ITPRIPL2: variants seen among roughly 807,000 people sequenced by gnomAD.
The protein encoded by ITPRIPL2 is inositol 1,4,5-trisphosphate receptor-interacting protein-like 2.
ITPRIPL2 carries 29 observed loss-of-function variants against 31.7 expected under a neutral mutation model. The observed-to-expected ratio is 0.91, with a 90% CI of 0.68 to 1.25. The LOEUF is 1.25. Among genes scored for constraint, ITPRIPL2 ranks in the 50% most tolerant of loss-of-function variants. ITPRIPL2 has a pLI of 0.00. For synonymous variants in ITPRIPL2, 344 were observed against 343.4 expected (o/e 1.00, Z -0.02); for missense variants, 696 against 739.1 (o/e 0.94, Z 0.68).
chr16:19,116,081 A>AC lies in ITPRIPL2; in HGVS notation c.*17dup. ...AAGGTGAACCGTAAACCCTGACAGC[A>AC]CCCCCACCTGACCAAATGCTCCTAA... On this transcript the variant is annotated 3_prime_UTR_variant, in exon 1 of 1. Transcript: ENST00000381440. 1.3e-6 allele frequency: 2 copies of AC among 1,554,030 alleles called. No individual in the cohort carries two copies. Among genetic ancestry groups the AC allele is most frequent in the Non-Finnish European group, 8.7e-7 (1 of 1,147,336 alleles).
In ITPRIPL2 at chr16:19,117,354, C is replaced by G. The variant is rs918595304; in HGVS notation, c.*1285C>G. 3 of 167,036 alleles carry G rather than the reference C, an allele frequency of 1.8e-5. No individual in the cohort carries two copies. The highest frequency in any genetic ancestry group is 7.2e-5 in the African/African-American group (3 of 41,434). The allele number at this position is 167,036 out of a possible 1,614,324, so 10.3% of individuals were successfully genotyped here. Reference sequence around the variant, plus strand: ...GCTTGAAGATCAGTTACTCCCTGGTCGTGGGCAGAGGAGACAAATTAGGAA... The same window carrying G: ...GCTTGAAGATCAGTTACTCCCTGGTGGTGGGCAGAGGAGACAAATTAGGAA... On this transcript the variant is annotated 3_prime_UTR_variant, in exon 1 of 1. Coordinates refer to ENST00000381440, the MANE Select transcript of ITPRIPL2 (RefSeq NM_001034841.4).
At position 19,115,077 on chromosome 16, in the gene ITPRIPL2, T is replaced by G. The variant is rs547667965; in HGVS notation, c.616T>G (p.Cys206Gly). 7.9e-5 allele frequency: 126 copies of G among 1,599,422 alleles called. 2 individuals carry two copies. The South Asian group carries it at 1.3e-3, about 17-fold the overall frequency. ...EPALAPAFRGCFLCALKAPPS... is the reference protein window; with the variant it reads ...EPALAPAFRGGFLCALKAPPS... ...AGCGCTGGCCCCGGCCTTCCGCGGCTGCTTCTTGTGCGCCCTCAAGGCACC... is the reference window on the plus strand; with the variant it reads ...AGCGCTGGCCCCGGCCTTCCGCGGCGGCTTCTTGTGCGCCCTCAAGGCACC... Residue 206 changes from cysteine to glycine, a missense_variant, in exon 1 of 1, where the codon TGC (cysteine) becomes GGC (glycine). By Grantham distance (159) the Cys-to-Gly change is radical (BLOSUM62 -3). Coordinates refer to ENST00000381440, the MANE Select transcript of ITPRIPL2 (RefSeq NM_001034841.4).
In ITPRIPL2 at chr16:19,119,167, A is replaced by G. The variant is rs1596856143; in HGVS notation, c.*3098A>G. 1.7e-5 allele frequency: 7 copies of G among 412,636 alleles called. No homozygotes were observed. In the East Asian group the frequency reaches 2.5e-4, roughly 15 times the overall value. The allele number at this position is 412,636 out of a possible 1,614,324, so 25.6% of individuals were successfully genotyped here. A position where few individuals can be genotyped will look rare whatever the true frequency, so the allele number is the denominator to read the frequency against. On this transcript the variant is annotated 3_prime_UTR_variant, in exon 1 of 1. Coordinates refer to ENST00000381440, the MANE Select transcript of ITPRIPL2 (RefSeq NM_001034841.4). ...GGGCTGAGCGGAGATGTTTTTTGCA[A>G]AATGAAACTGAAGCTGAAAGAAAGG... is the stretch of plus-strand genomic sequence containing the variant.
In ITPRIPL2 at chr16:19,115,114, C is replaced by T; in HGVS notation, c.653C>T (p.Ser218Leu). 3 of 1,601,430 alleles carry T rather than the reference C, an allele frequency of 1.9e-6. No homozygotes were observed. Among genetic ancestry groups the T allele is most frequent in the Non-Finnish European group, 1.7e-6 (2 of 1,179,894 alleles). ...LCALKAPPSPSGASGGHWLRD... is the reference protein window; with the variant it reads ...LCALKAPPSPLGASGGHWLRD... ...GCCCTCAAGGCACCACCCTCACCATCGGGGGCCTCGGGGGGCCACTGGCTT... is the reference window on the plus strand; with the variant it reads ...GCCCTCAAGGCACCACCCTCACCATTGGGGGCCTCGGGGGGCCACTGGCTT... The change falls in exon 1 of 1, where the codon TCG becomes TTG. Residue 218 changes from serine to leucine, a missense_variant. Physicochemically the swap from Ser to Leu is moderately radical, Grantham distance 145. Transcript: ENST00000381440.
chr16:19,114,838 T>C lies in ITPRIPL2; in HGVS notation c.377T>C (p.Ile126Thr). The C allele has an allele frequency of 6.2e-7, 1 of 1,605,068 alleles. No individual in the cohort carries two copies. Among genetic ancestry groups the C allele is most frequent in the Non-Finnish European group, 8.5e-7 (1 of 1,176,382 alleles). ...CACAGCAAGGCGCACGTGAGCCGGA[T>C]CGTGGGCGAGCTGGTGCGGGCTGGC... ...LGHSKAHVSRIVGELVRAGRA... is the reference protein window; with the variant it reads ...LGHSKAHVSRTVGELVRAGRA... The change falls in exon 1 of 1, where the codon ATC becomes ACC. Residue 126 changes from isoleucine to threonine, a missense_variant. Ile to Thr is a moderately conservative substitution (Grantham distance 89). Coordinates refer to ENST00000381440, the MANE Select transcript of ITPRIPL2 (RefSeq NM_001034841.4).
chr16:19,120,858 A>T lies in ITPRIPL2; in HGVS notation c.*4789A>T, dbSNP rs1819023453. On this transcript the variant is annotated 3_prime_UTR_variant, in exon 1 of 1. Transcript: ENST00000381440. ...AACCTAAGTGCTTCCAGAGCATCTC[A>T]TGTAACCTCTATGGAGTAAGTCACT... is the stretch of plus-strand genomic sequence containing the variant. 2 of 166,860 alleles carry T rather than the reference A, an allele frequency of 1.2e-5. No individual in the cohort carries two copies. Among genetic ancestry groups the T allele is most frequent in the South Asian group, 4.1e-4 (2 of 4,824 alleles). 10.3% of individuals were successfully genotyped at this position (166,860 alleles called of 1,614,324 possible). A position where few individuals can be genotyped will look rare whatever the true frequency, so the allele number is the denominator to read the frequency against.
chr16:19,116,290 G>A lies in ITPRIPL2; in HGVS notation c.*221G>A. ...CTAGAGTGTCCTGGGCAAACCATGG[G>A]AAGACATCCAACAGGAGACCCAAGA... is the stretch of plus-strand genomic sequence containing the variant. On this transcript the variant is annotated 3_prime_UTR_variant, in exon 1 of 1. Transcript: ENST00000381440. The A allele has an allele frequency of 2.0e-6, 1 of 508,752 alleles. No individual in the cohort carries two copies. The highest frequency in any genetic ancestry group is 3.5e-6 in the Non-Finnish European group (1 of 282,572). 31.5% of individuals were successfully genotyped at this position (508,752 alleles called of 1,614,324 possible). A position where few individuals can be genotyped will look rare whatever the true frequency, so the allele number is the denominator to read the frequency against.
In ITPRIPL2 at chr16:19,119,952, A is replaced by G. The variant is rs1210608395; in HGVS notation, c.*3883A>G. ...AGAATAACTTGTTTCTTTGTATTTT[A>G]TTCTTACATTTAAATTAATTTTGGG... On this transcript the variant is annotated 3_prime_UTR_variant, in exon 1 of 1. Coordinates refer to ENST00000381440, the MANE Select transcript of ITPRIPL2 (RefSeq NM_001034841.4). 6.0e-6 allele frequency: 1 copy of G among 167,018 alleles called. No individual in the cohort carries two copies. The highest frequency in any genetic ancestry group is 1.5e-5 in the Non-Finnish European group (1 of 68,092). 10.3% of individuals were successfully genotyped at this position (167,018 alleles called of 1,614,324 possible). A position where few individuals can be genotyped will look rare whatever the true frequency, so the allele number is the denominator to read the frequency against.
chr16:19,120,957 A>G lies in ITPRIPL2; in HGVS notation c.*4888A>G, dbSNP rs1236688416. The G allele has an allele frequency of 6.0e-6, 1 of 166,774 alleles. No homozygotes were observed. The highest frequency in any genetic ancestry group is 2.1e-4 in the South Asian group (1 of 4,822). 10.3% of individuals were successfully genotyped at this position (166,774 alleles called of 1,614,324 possible). Reference sequence around the variant, plus strand: ...ATCCCTGTCTACATGGAGGAAGATGATTCAGTGGTGGGGAAAATGAACCTC... The same window carrying G: ...ATCCCTGTCTACATGGAGGAAGATGGTTCAGTGGTGGGGAAAATGAACCTC... On this transcript the variant is annotated 3_prime_UTR_variant, in exon 1 of 1. Coordinates refer to ENST00000381440, the MANE Select transcript of ITPRIPL2 (RefSeq NM_001034841.4).
At position 19,116,912 on chromosome 16, in the gene ITPRIPL2, C is replaced by G. The variant is rs534574489; in HGVS notation, c.*843C>G. ...CCACAAGCTGGGATATGTACCTGTC[C>G]GTCAACATCCATTCATTAAACTACC... On this transcript the variant is annotated 3_prime_UTR_variant, in exon 1 of 1. Transcript: ENST00000381440. 1 of 167,104 alleles carries G rather than the reference C, an allele frequency of 6.0e-6. No individual in the cohort carries two copies. The highest frequency in any genetic ancestry group is 1.5e-5 in the Non-Finnish European group (1 of 68,124). 10.4% of individuals were successfully genotyped at this position (167,104 alleles called of 1,614,324 possible). A position where few individuals can be genotyped will look rare whatever the true frequency, so the allele number is the denominator to read the frequency against.
In ITPRIPL2 at chr16:19,115,012, C is replaced by G. The variant is rs1048111990; in HGVS notation, c.551C>G (p.Pro184Arg). 6.3e-7 allele frequency: 1 copy of G among 1,598,756 alleles called. No individual in the cohort carries two copies. Among genetic ancestry groups the G allele is most frequent in the African/African-American group, 1.3e-5 (1 of 74,920 alleles). Residue 184 changes from proline to arginine, a missense_variant, in exon 1 of 1, where the codon CCG (proline) becomes CGG (arginine). Coordinates refer to ENST00000381440, the MANE Select transcript of ITPRIPL2 (RefSeq NM_001034841.4). Reference protein sequence around the residue: ...FDVLVPLRLPPLVALEPRSLG... With the variant: ...FDVLVPLRLPRLVALEPRSLG... Reference sequence around the variant, plus strand: ...GTGCTGGTGCCACTGCGCCTCCCGCCGCTTGTGGCGCTGGAGCCACGGAGC... The same window carrying G: ...GTGCTGGTGCCACTGCGCCTCCCGCGGCTTGTGGCGCTGGAGCCACGGAGC...
Position 19,115,888 on chromosome 16 carries a change from C to A in ITPRIPL2, c.1427C>A (p.Ala476Asp). ...CTGCCCAAGGCACTGAGGGAAGCCG[C>A]CCCAGTTGACCTCCTGGCCGCTTTC... Reference protein sequence around the residue: ...GPLPKALREAAPVDLLAAFDG... With the variant: ...GPLPKALREADPVDLLAAFDG... Residue 476 changes from alanine (A) to aspartate (D), a missense_variant, in exon 1 of 1, where the codon GCC becomes GAC. By Grantham distance (126) the Ala-to-Asp change is moderately radical. Coordinates refer to ENST00000381440, the MANE Select transcript of ITPRIPL2 (RefSeq NM_001034841.4). 6.2e-7 allele frequency: 1 copy of A among 1,611,804 alleles called. No individual in the cohort carries two copies. Among genetic ancestry groups the A allele is most frequent in the Non-Finnish European group, 8.5e-7 (1 of 1,179,592 alleles).
At position 19,116,094 on chromosome 16, in the gene ITPRIPL2, C is replaced by T; in HGVS notation, c.*25C>T. Reference sequence around the variant, plus strand: ...AACCCTGACAGCACCCCCACCTGACCAAATGCTCCTAAAGCCTTTCCCACT... The same window carrying T: ...AACCCTGACAGCACCCCCACCTGACTAAATGCTCCTAAAGCCTTTCCCACT... On this transcript the variant is annotated 3_prime_UTR_variant, in exon 1 of 1. Transcript: ENST00000381440. 1 of 1,539,308 alleles carries T rather than the reference C, an allele frequency of 6.5e-7. No homozygotes were observed. The highest frequency in any genetic ancestry group is 8.8e-7 in the Non-Finnish European group (1 of 1,140,386).
rs1471987335 is a variant in ITPRIPL2 at position 19,120,763 on chromosome 16, C to T, written c.*4694C>T. On this transcript the variant is annotated 3_prime_UTR_variant, in exon 1 of 1. Coordinates refer to ENST00000381440, the MANE Select transcript of ITPRIPL2 (RefSeq NM_001034841.4). ...ACAGGTGTGAGTGAGCCACCGCGGC[C>T]GGCCTCTATCATTTTCTGACTCAGC... The T allele has an allele frequency of 2.4e-5, 4 of 166,158 alleles. No individual in the cohort carries two copies. The highest frequency in any genetic ancestry group is 2.9e-5 in the Non-Finnish European group (2 of 67,992). The allele number at this position is 166,158 out of a possible 1,614,324, so 10.3% of individuals were successfully genotyped here. A position where few individuals can be genotyped will look rare whatever the true frequency, so the allele number is the denominator to read the frequency against.
rs757566354 is a variant in ITPRIPL2, at chr16:19,115,268, C to T, written c.807C>T (p.Ser269=). 4 of 1,612,390 alleles carry T rather than the reference C, an allele frequency of 2.5e-6. No homozygotes were observed. Among genetic ancestry groups the T allele is most frequent in the Admixed American group, 3.3e-5 (2 of 60,010 alleles). Residue 269 remains serine, a synonymous_variant, in exon 1 of 1, where the codon AGC becomes AGT. Transcript: ENST00000381440. ...GCTCCTTGGCCACTGTGCGTTACAG[C>T]CTGGAGGGGCGCTGTCGGGTCACCT... is the stretch of plus-strand genomic sequence containing the variant. ...LQRSLATVRY[S]LEGRCRVTLT...
rs767439553 is a variant in ITPRIPL2, at chr16:19,114,812, C to T, written c.351C>T (p.Gly117=). Residue 117 remains glycine (G), a synonymous_variant, in exon 1 of 1, where the codon GGC becomes GGT. Coordinates refer to ENST00000381440, the MANE Select transcript of ITPRIPL2 (RefSeq NM_001034841.4). ...HEVRLSPHVL[G]HSKAHVSRIV... The stretch of plus-strand genomic sequence containing the variant: ...TGCGCCTGTCTCCGCACGTGTTGGG[C>T]CACAGCAAGGCGCACGTGAGCCGGA... The T allele has an allele frequency of 5.0e-6, 8 of 1,608,856 alleles. No individual in the cohort carries two copies. The East Asian group carries it at 1.3e-4, about 27-fold the overall frequency.
Position 19,114,837 on chromosome 16 carries a change from A to T in ITPRIPL2, c.376A>T (p.Ile126Phe). Residue 126 changes from isoleucine (I) to phenylalanine (F), a missense_variant, in exon 1 of 1, where the codon ATC becomes TTC. Physicochemically the swap from Ile to Phe is conservative, Grantham distance 21. Coordinates refer to ENST00000381440, the MANE Select transcript of ITPRIPL2 (RefSeq NM_001034841.4). The part of the protein sequence containing the change: ...LGHSKAHVSR[I>F]VGELVRAGRA... The stretch of plus-strand genomic sequence containing the variant: ...CCACAGCAAGGCGCACGTGAGCCGG[A>T]TCGTGGGCGAGCTGGTGCGGGCTGG... 1 of 1,604,862 alleles carries T rather than the reference A, an allele frequency of 6.2e-7. No homozygotes were observed. The highest frequency in any genetic ancestry group is 8.5e-7 in the Non-Finnish European group (1 of 1,176,308).
rs1963402595 is a variant in ITPRIPL2, at chr16:19,114,420, GC to G, written c.-37del. 2 of 1,302,408 alleles carry G rather than the reference GC, an allele frequency of 1.5e-6. No individual in the cohort carries two copies. The allele number at this position is 1,302,408 out of a possible 1,614,324, so 80.7% of individuals were successfully genotyped here. On this transcript the variant is annotated 5_prime_UTR_variant, in exon 1 of 1. Transcript: ENST00000381440. ...TGGGCTTGGGTCGCCGCCGGGGCTT[GC>G]CCCCTGGGCTGCTCGGCCACCGCCG...
chr16:19,115,289 CACCTTG>C lies in ITPRIPL2; in HGVS notation c.832_837del (p.Leu278_Thr279del), dbSNP rs1170744153. The C allele has an allele frequency of 6.2e-7, 1 of 1,613,086 alleles. No homozygotes were observed. Among genetic ancestry groups the C allele is most frequent in the Non-Finnish European group, 8.5e-7 (1 of 1,180,026 alleles). Reference sequence around the variant, plus strand: ...ACAGCCTGGAGGGGCGCTGTCGGGTCACCTTGACCCCAGGTGGCCTGGAACAGCCCC... The same window carrying C: ...ACAGCCTGGAGGGGCGCTGTCGGGTCACCCCAGGTGGCCTGGAACAGCCCC... On this transcript the variant is annotated inframe_deletion, in exon 1 of 1. Coordinates refer to ENST00000381440, the MANE Select transcript of ITPRIPL2 (RefSeq NM_001034841.4).
Sources: allele counts gnomAD v4.1 joint callset, GRCh38; gene constraint gnomAD v4.1.1; transcripts MANE v1.5; gene names NCBI Gene and HGNC (gene_info 2026-07-23, HGNC 2026-07-21).